KALRN: variants seen among roughly 807,000 people sequenced by gnomAD.
KALRN encodes the protein kalirin.
In KALRN, 70 loss-of-function variants were observed where a neutral mutation model predicts 353.7. The ratio of observed to expected loss-of-function variants is 0.20; its 90% confidence interval spans 0.16 to 0.24. The LOEUF (loss-of-function observed/expected upper bound fraction) is 0.24, where lower values mean the gene tolerates loss of function less well. KALRN is among the 10% of genes least tolerant of loss of function. The probability of loss-of-function intolerance (pLI) is 1.00; values close to 1 mark genes in which losing one functional copy is unlikely to be tolerated. For missense variants in KALRN, 2,791 were observed against 3,756.7 expected, an observed-to-expected ratio of 0.74 and a Z score of 6.72; for synonymous variants, 1,391 against 1,434.8, an observed-to-expected ratio of 0.97 and a Z score of 0.69.
intron 3 of KALRN, among the ~76,000 whole-genome samples, chr3:124,258,345 T>C (rs1369807594): frequency 6.6e-6 from 1 of 152,234 alleles, no homozygotes; most frequent in Non-Finnish European, 1.5e-5. Context: ...GGTTGCTAAG[T>C]ACAATAGTTC....
At chr3:124,679,640 G>T in intron 51 of KALRN, 123 bp downstream of exon 51, 1 of 837,126 alleles carries the variant, frequency 1.2e-6, no homozygotes, top group Non-Finnish European at 2.1e-6. Flanking sequence ...GGGCATCTCT[G>T]GGTATCCCAT....
intron 5 of KALRN, among the ~76,000 whole-genome samples, chr3:124,273,689 G>A (rs1040705109): frequency 6.6e-6 from 1 of 152,212 alleles, no homozygotes; most frequent in Non-Finnish European, 1.5e-5. Context: ...AGAATGTTCA[G>A]AGAAGAGGGA....
At chr3:124,633,347 T>A (rs1250914948) in intron 35 of KALRN, among the ~76,000 whole-genome samples, 1 of 152,128 alleles carries the variant, frequency 6.6e-6, no homozygotes, top group Non-Finnish European at 1.5e-5. Context: ...AGTGGATATG[T>A]TTTGGTTGGG....
intron 33 of KALRN, among the ~76,000 whole-genome samples, chr3:124,516,331 A>G (rs2066545887): frequency 6.6e-6 from 1 of 152,198 alleles, no homozygotes; most frequent in Non-Finnish European, 1.5e-5. Context: ...TGCCAGCTGT[A>G]TGATCCTGGG....
intron 13 of KALRN, among the ~76,000 whole-genome samples, chr3:124,399,129 G>A (rs942203953): frequency 2.7e-5 from 3 of 110,418 alleles, no homozygotes; most frequent in African/African-American, 6.1e-5. Flanking sequence ...GTTTTTGTTC[G>A]TTTTGTTTTG....
intron 1 of KALRN, chr3:124,163,339 A>G (rs1388330822): frequency 6.6e-6 from 1 of 152,446 alleles, no homozygotes; most frequent in African/African-American, 2.4e-5. Context: ...CATGGATTCC[A>G]TGATAATGAC....
At chr3:124,145,197 T>C (rs1459496182) in intron 1 of KALRN, among the ~76,000 whole-genome samples, 4 of 152,296 alleles carry the variant, frequency 2.6e-5, no homozygotes, top group African/African-American at 9.6e-5. Context: ...TCCAGACCTA[T>C]CCTCCTCCCT....
At chr3:124,707,361 T>A (rs2150741209) in intron 57 of KALRN, among the ~76,000 whole-genome samples, 1 of 152,106 alleles carries the variant, frequency 6.6e-6, no homozygotes, top group South Asian at 2.1e-4. Context: ...AAGTAAAAAC[T>A]TGAAGAATGG....
intron 5 of KALRN, among the ~76,000 whole-genome samples, chr3:124,286,087 CTTTCTTT>C (rs1560462487): frequency 8.9e-4 from 111 of 124,094 alleles, no homozygotes; most frequent in African/African-American, 2.5e-3. Flanking sequence ...TCCTTCCTTT[CTTTCTTT>C]CTTTCTTTCT....
At chr3:124,707,413 CCTTCCTTCCTTCCTTCCT>C (rs1316945100) in intron 57 of KALRN, among the ~76,000 whole-genome samples, 8 of 120,142 alleles carry the variant, frequency 6.7e-5, no homozygotes, top group Non-Finnish European at 1.1e-4. Context: ...TTCCTTCCTT[CCTTCCTTCCTTCCTTCCT>C]TCCTTCCTTC....
rs953650389 is a variant in KALRN at position 124,721,754 on chromosome 3, G to A, written c.*2284G>A. The A allele has an allele frequency of 4.6e-5, 7 of 152,122 alleles. No homozygotes were observed. The highest frequency in any genetic ancestry group is 4.6e-4 in the Admixed American group (7 of 15,274). The allele number at this position is 152,122 out of a possible 1,614,324, so 9.4% of individuals were successfully genotyped here. On this transcript the variant is annotated 3_prime_UTR_variant, in exon 60 of 60. Transcript: ENST00000682506. ...GGGTGGATCACAAGGTCAGCAGTTCGAGACCAGCCTGACTAACATGGTGAA... is the reference window on the plus strand; with the variant it reads ...GGGTGGATCACAAGGTCAGCAGTTCAAGACCAGCCTGACTAACATGGTGAA...
intron 1 of KALRN, among the ~76,000 whole-genome samples, chr3:124,103,670 G>A (rs1412639410): frequency 6.6e-6 from 1 of 152,142 alleles, no homozygotes; most frequent in Non-Finnish European, 1.5e-5. Flanking sequence ...AGAATCAACA[G>A]TAAGGCTGGG....
At chr3:124,402,320 G>A (rs1054138939) in intron 13 of KALRN, among the ~76,000 whole-genome samples, 5 of 152,162 alleles carry the variant, frequency 3.3e-5, no homozygotes, top group African/African-American at 9.7e-5. Context: ...GCCCATAGCT[G>A]GATTCCTGGT....
Position 124,533,394 on chromosome 3 carries a change from C to A in KALRN, c.4936-29449C>A, listed in dbSNP as rs139352095. On this transcript the variant is annotated intron_variant, in intron 33 of 59. Coordinates refer to ENST00000682506, the MANE Select transcript of KALRN (RefSeq NM_001388419.1). ...CAGTGGCTCATGTCTATAGTCCTAG[C>A]ACTTTGGTAAGCCGAGTTGAGCAGA... Among the ~76,000 whole-genome samples, 54 of 152,250 alleles carry A rather than the reference C, an allele frequency of 3.5e-4. No individual in the cohort carries two copies. The East Asian group carries it at 9.8e-3, about 28-fold the overall frequency.
intron 1 of KALRN, among the ~76,000 whole-genome samples, chr3:124,189,299 G>A (rs1181115062): frequency 6.6e-6 from 1 of 152,172 alleles, no homozygotes; most frequent in Non-Finnish European, 1.5e-5. Context: ...GGTATGGAGT[G>A]GAGAGTGTTC....
intron 1 of KALRN, among the ~76,000 whole-genome samples, chr3:124,103,962 AAGAG>A (rs754909047): frequency 1.3e-5 from 2 of 152,060 alleles, no homozygotes; most frequent in Non-Finnish European, 2.9e-5. Flanking sequence ...TCTCCAAGAA[AAGAG>A]AGAGAGAAAA....
intron 21 of KALRN, 33 bp downstream of exon 21, chr3:124,446,918 A>G (rs2093858889): frequency 1.9e-6 from 3 of 1,605,212 alleles, no homozygotes; most frequent in Non-Finnish European, 2.5e-6. Flanking sequence ...CCCCAGATCC[A>G]CCCAGAACTC....
At chr3:124,173,510 G>A (rs2072194498) in intron 1 of KALRN, among the ~76,000 whole-genome samples, 1 of 152,244 alleles carries the variant, frequency 6.6e-6, no homozygotes, top group Non-Finnish European at 1.5e-5. Context: ...ACAAATCATT[G>A]TATTGAAGTT....
intron 37 of KALRN, among the ~76,000 whole-genome samples, chr3:124,645,514 A>G (rs919643939): frequency 3.9e-5 from 6 of 152,206 alleles, no homozygotes; most frequent in African/African-American, 1.4e-4. Flanking sequence ...TTTAAGGTGT[A>G]AGGAAGGGGT....
Sources: gnomAD v4.1 joint callset for allele counts (sites outside exome capture counted in the v4.1 genomes callset) on GRCh38, gnomAD v4.1.1 for gene constraint, MANE v1.5 for transcripts, NCBI Gene and HGNC (gene_info 2026-07-23, HGNC 2026-07-21) for gene names.